NSMF: variants seen among roughly 807,000 people sequenced by gnomAD.
The protein encoded by NSMF is NMDA receptor synaptonuclear signaling and neuronal migration factor.
NSMF carries 31 observed loss-of-function variants against 71.0 expected under a neutral mutation model. The ratio of observed to expected loss-of-function variants is 0.44; its 90% CI spans 0.33 to 0.59. NSMF has a LOEUF of 0.59. Among genes scored for constraint, NSMF ranks in the 20% least tolerant of loss-of-function variants. NSMF has a pLI of 0.04. For missense variants in NSMF, 673 were observed against 740.5 expected (o/e 0.91, Z 1.06); for synonymous variants, 345 against 287.1 (o/e 1.20, Z -2.04).
Position 137,459,085 on chromosome 9 carries a change from GGAGGCGGCGGCGCCCATGGTC to G in NSMF, c.-4_17del, listed in dbSNP as rs1831041012. 4.8e-6 allele frequency: 6 copies of G among 1,259,464 alleles called. No homozygotes were observed. The highest frequency in any genetic ancestry group is 2.7e-5 in the South Asian group (1 of 36,380). 78.0% of individuals were successfully genotyped at this position (1,259,464 alleles called of 1,614,324 possible). A position where few individuals can be genotyped will look rare whatever the true frequency, so the allele number is the denominator to read the frequency against. ...CCTCGCTCCTCAGCGCCCTCCTCCT[GGAGGCGGCGGCGCCCATGGTC>G]GAGGCGGCGGCGCATCCCCCGGGCC... On this transcript the variant is annotated start_lost and 5_prime_UTR_variant, in exon 1 of 16. Transcript: ENST00000371475.
chr9:137,457,641 G>A lies in NSMF; in HGVS notation c.394C>T (p.Pro132Ser), dbSNP rs1830907190. The change falls in exon 3 of 16, where the codon CCT becomes TCT. Residue 132 changes from proline (P) to serine (S), a missense_variant. Pro to Ser is a moderately conservative substitution (Grantham distance 74). Coordinates refer to ENST00000371475, the MANE Select transcript of NSMF (RefSeq NM_001130969.3). ...AVVKGRRQRH[P>S]HHHSQPLRAS... ...CGCAGGGGCTGGCTGTGATGGTGAG[G>A]GTGCCGCTGCCGCCGCCCCTTCACC... The A allele has an allele frequency of 3.2e-6, 5 of 1,549,582 alleles. No individual in the cohort carries two copies. Among genetic ancestry groups the A allele is most frequent in the Middle Eastern group, 1.7e-4 (1 of 5,778 alleles).
At chr9:137,449,851 G>A (rs1182748907) in intron 14 of NSMF, 72 bp downstream of exon 14, 1 of 1,410,808 alleles carries the variant, frequency 7.1e-7, no homozygotes, top group Non-Finnish European at 1.0e-6. Flanking sequence ...CAGGAAACAT[G>A]GAAGGCTCTG....
rs374241944 is a variant in NSMF at position 137,457,519 on chromosome 9, C to G, written c.516G>C (p.Gln172His). 3 of 1,609,516 alleles carry G rather than the reference C, an allele frequency of 1.9e-6. No homozygotes were observed. The highest frequency in any genetic ancestry group is 1.3e-5 in the African/African-American group (1 of 74,772). The change falls in exon 3 of 16, where the codon CAG becomes CAC. Residue 172 changes from glutamine to histidine, a missense_variant. Coordinates refer to ENST00000371475, the MANE Select transcript of NSMF (RefSeq NM_001130969.3). Reference protein sequence around the residue: ...QGSKECPGCAQLAPGPTPRAF... With the variant: ...QGSKECPGCAHLAPGPTPRAF... ...CCCGAGGGGTGGGGCCAGGAGCCAG[C>G]TGGGCACATCCGGGGCACTCCTTGG...
At chr9:137,452,228 C>G in intron 12 of NSMF, 137 bp downstream of exon 12, 1 of 792,340 alleles carries the variant, frequency 1.3e-6, no homozygotes, top group Non-Finnish European at 2.1e-6. Flanking sequence ...TGGTCTCCCC[C>G]ACAAACACCT....
chr9:137,453,041 C>T lies in NSMF; in HGVS notation c.1047+15G>A, dbSNP rs777923271. On this transcript the variant is annotated intron_variant, in intron 9 of 15. Transcript: ENST00000371475. The surrounding 1 kb of genome is among the most constrained non-coding windows in gnomAD (Gnocchi z 4.5). Reference sequence around the variant, plus strand: ...GCTCGGGGTGTAGAGGAGCACTGCCCGGGCTGGGCCTCACCATGACCTTTG... The same window carrying T: ...GCTCGGGGTGTAGAGGAGCACTGCCTGGGCTGGGCCTCACCATGACCTTTG... The T allele has an allele frequency of 6.2e-6, 10 of 1,611,920 alleles. No individual in the cohort carries two copies. Among genetic ancestry groups the T allele is most frequent in the Admixed American group, 5.0e-5 (3 of 60,010 alleles).
In NSMF at chr9:137,453,874, C is replaced by G; in HGVS notation, c.833-54G>C. 3 of 1,474,594 alleles carry G rather than the reference C, an allele frequency of 2.0e-6. No individual in the cohort carries two copies. Among genetic ancestry groups the G allele is most frequent in the East Asian group, 2.4e-5 (1 of 41,004 alleles). The allele number at this position is 1,474,594 out of a possible 1,614,324, so 91.3% of individuals were successfully genotyped here. ...GCGGGTGGGGCGGGGCCTCGGGAGT[C>G]TCAGACCCCAGGCGAGGGGACCACA... On this transcript the variant is annotated intron_variant, in intron 7 of 15. Coordinates refer to ENST00000371475, the MANE Select transcript of NSMF (RefSeq NM_001130969.3). This position sits in a 1 kb window ranked among gnomAD's most constrained non-coding sequence, Gnocchi z 4.5.
Position 137,453,677 on chromosome 9 carries a change from T to A in NSMF, c.922+54A>T. 2 of 1,432,236 alleles carry A rather than the reference T, an allele frequency of 1.4e-6. No individual in the cohort carries two copies. Among genetic ancestry groups the A allele is most frequent in the Non-Finnish European group, 1.9e-6 (2 of 1,048,566 alleles). The allele number at this position is 1,432,236 out of a possible 1,614,324, so 88.7% of individuals were successfully genotyped here. A position where few individuals can be genotyped will look rare whatever the true frequency, so the allele number is the denominator to read the frequency against. ...TGGCAGGGGACCCCCAGCAGGGGTC[T>A]GGGGTCTAGGGGAGGCTCTGGGGAA... is the stretch of plus-strand genomic sequence containing the variant. On this transcript the variant is annotated intron_variant, in intron 8 of 15. Transcript: ENST00000371475. The surrounding 1 kb of genome is among the most constrained non-coding windows in gnomAD (Gnocchi z 4.5).
intron 6 of NSMF, 143 bp downstream of exon 6, chr9:137,455,096 T>C (rs1830764337): frequency 1.1e-6 from 1 of 908,670 alleles, no homozygotes. Context: ...TGGCCTCTCC[T>C]GCCTGCCACG....
At chr9:137,450,326 A>C in intron 12 of NSMF, 71 bp from the exon 13 acceptor site, 1 of 1,250,442 alleles carries the variant, frequency 8.0e-7, no homozygotes. Context: ...ACCCACGCAC[A>C]TGCGTGGGAG....
In NSMF at chr9:137,457,342, G is replaced by C. The variant is rs928895277; in HGVS notation, c.628+65C>G. Reference sequence around the variant, plus strand: ...TGTTCCAAGCCTCACAGTGGCTGCTGCTGTCAGACCCTGGCAGCGGCATGC... The same window carrying C: ...TGTTCCAAGCCTCACAGTGGCTGCTCCTGTCAGACCCTGGCAGCGGCATGC... On this transcript the variant is annotated intron_variant, in intron 3 of 15. Transcript: ENST00000371475. The C allele has an allele frequency of 3.9e-5, 62 of 1,605,466 alleles. No individual in the cohort carries two copies. In the South Asian group the frequency reaches 4.3e-4, roughly 11 times the overall value.
chr9:137,452,931 C>G, intron 9 of NSMF, 112 bp from the exon 10 acceptor site: 1 of 1,563,248 alleles, frequency 6.4e-7, no homozygotes. Context: ...GGGTATAGCC[C>G]TGTGAGACAC....
At chr9:137,454,658 C>A (rs1409054618) in intron 6 of NSMF, 1 of 1,531,484 alleles carries the variant, frequency 6.5e-7, no homozygotes. Context: ...AACTCCAGAA[C>A]AAAGGTGCAG....
Position 137,453,303 on chromosome 9 carries a change from C to T in NSMF, c.923-123G>A. 1.4e-6 allele frequency: 2 copies of T among 1,428,006 alleles called. No homozygotes were observed. Among genetic ancestry groups the T allele is most frequent in the Non-Finnish European group, 1.9e-6 (2 of 1,043,980 alleles). The allele number at this position is 1,428,006 out of a possible 1,614,324, so 88.5% of individuals were successfully genotyped here. ...AGGGTCCTCCAAGCAAGTGGGAGGA[C>T]CATACAGAGGTCGCCGCCAGCCCGG... On this transcript the variant is annotated intron_variant, in intron 8 of 15. Transcript: ENST00000371475. The surrounding 1 kb of genome is among the most constrained non-coding windows in gnomAD (Gnocchi z 4.5).
intron 3 of NSMF, among the ~76,000 whole-genome samples, chr9:137,457,137 T>C (rs1830874863): frequency 6.6e-6 from 1 of 151,990 alleles, no homozygotes; most frequent in African/African-American, 2.4e-5. Flanking sequence ...GGCCCCCTCC[T>C]CCAGGAAGCA....
At position 137,453,970 on chromosome 9, in the gene NSMF, G is replaced by C; in HGVS notation, c.833-150C>G. 1 of 678,162 alleles carries C rather than the reference G, an allele frequency of 1.5e-6. No individual in the cohort carries two copies. The allele number at this position is 678,162 out of a possible 1,614,324, so 42.0% of individuals were successfully genotyped here. On this transcript the variant is annotated intron_variant, in intron 7 of 15. Coordinates refer to ENST00000371475, the MANE Select transcript of NSMF (RefSeq NM_001130969.3). This position sits in a 1 kb window ranked among gnomAD's most constrained non-coding sequence, Gnocchi z 4.5. Reference sequence around the variant, plus strand: ...CACATGAAGCAGACACGGACCAGAGGCTCGGTTGGTTCAGGGGCAGGATCT... The same window carrying C: ...CACATGAAGCAGACACGGACCAGAGCCTCGGTTGGTTCAGGGGCAGGATCT...
rs772708806 is a variant in NSMF, at chr9:137,452,412, C to T, written c.1189G>A (p.Val397Ile). 2.0e-5 allele frequency: 33 copies of T among 1,612,654 alleles called. No individual in the cohort carries two copies. The highest frequency in any genetic ancestry group is 2.5e-5 in the Non-Finnish European group (30 of 1,179,922). Residue 397 changes from valine (V) to isoleucine (I), a missense_variant, in exon 12 of 16, where the codon GTC becomes ATC. By Grantham distance (29) the Val-to-Ile change is conservative. Around this residue, in one of 2 missense-constraint regions of NSMF, gnomAD observed 202 missense variants for 280.8 expected, o/e 0.72. Coordinates refer to ENST00000371475, the MANE Select transcript of NSMF (RefSeq NM_001130969.3). ...ILEEIERKLN[V>I]YHKGAKIWKM... ...CAGATCTTGGCTCCCTTGTGGTAGA[C>T]GTTCAGCTTCCTCTCTATCTCCTCT...
At position 137,449,472 on chromosome 9, in the gene NSMF, C is replaced by A; in HGVS notation, c.1515G>T (p.Thr505=). ...LSAQGKQMIE[T]YFDFRLYRLW... is the part of the protein sequence containing the mutation. ...GGCGATACAACCGGAAGTCAAAGTA[C>A]GTCTCGATCATCTGCTTCCCTGGGC... Residue 505 remains threonine (T), a synonymous_variant, in exon 16 of 16, where the codon ACG becomes ACT. Transcript: ENST00000371475. The A allele has an allele frequency of 6.2e-7, 1 of 1,612,872 alleles. No individual in the cohort carries two copies. Among genetic ancestry groups the A allele is most frequent in the Non-Finnish European group, 8.5e-7 (1 of 1,179,922 alleles).
intron 4 of NSMF, 146 bp from the exon 5 acceptor site, chr9:137,455,780 A>G: frequency 1.1e-6 from 1 of 872,204 alleles, no homozygotes; most frequent in East Asian, 2.6e-5. Context: ...AGCCACCAGC[A>G]GGATGCTGGC....
intron 6 of NSMF, chr9:137,454,907 A>G: frequency 1.4e-6 from 1 of 733,682 alleles, no homozygotes. Context: ...CCTCTCCTCC[A>G]CCAAACTTTG....
Sources: allele counts gnomAD v4.1 joint callset (sites outside exome capture counted in the v4.1 genomes callset), GRCh38; gene constraint gnomAD v4.1.1; regional missense constraint gnomAD v4.1.1; non-coding constraint Gnocchi (gnomAD v3.1); transcripts MANE v1.5; gene names NCBI Gene and HGNC (gene_info 2026-07-23, HGNC 2026-07-21).